DNAI7: variants seen among roughly 807,000 people sequenced by gnomAD.
The protein encoded by DNAI7 is dynein axonemal intermediate chain 7, also known as cancer susceptibility 1.
Under a neutral mutation model 86.6 loss-of-function variants are expected in DNAI7, and 78 were observed. The ratio of observed to expected loss-of-function variants is 0.90; its 90% CI spans 0.75 to 1.09. The LOEUF is 1.09. DNAI7 is among the 50% of genes least tolerant of loss of function. DNAI7 has a pLI of 0.00. For missense variants in DNAI7, 753 were observed against 810.2 expected, an observed-to-expected ratio of 0.93 and a Z score of 0.86; for synonymous variants, 274 against 273.0, an observed-to-expected ratio of 1.00 and a Z score of -0.04.
At chr12:25,108,097 A>G, downstream of DNAI7, 1 of 1,598,078 alleles carries the variant, frequency 6.3e-7, no homozygotes, top group East Asian at 2.2e-5. Flanking sequence ...TTGATTTTTA[A>G]GTTTCAGTAT....
intron 2 of DNAI7, among the ~76,000 whole-genome samples, chr12:25,164,342 C>T (rs915826986): frequency 6.6e-6 from 1 of 151,842 alleles, no homozygotes; most frequent in Non-Finnish European, 1.5e-5. Context: ...CAAGAACCCC[C>T]CACCCCTTCT....
At position 25,137,925 on chromosome 12, in the gene DNAI7, A is replaced by C. The variant is rs149062251; in HGVS notation, c.1002+6440T>G. Among the ~76,000 whole-genome samples, 547 of 152,222 alleles carry C rather than the reference A, an allele frequency of 3.6e-3. 5 individuals are homozygous for C. The highest frequency in any genetic ancestry group is 0.012 in the African/African-American group (509 of 41,530). ...CTACTAGACCTAAGAAATGAGATAG[A>C]TGGCAACACAATAATAGTGTGGGAC... On this transcript the variant is annotated intron_variant, in intron 9 of 15. Transcript: ENST00000395987.
intron 2 of DNAI7, among the ~76,000 whole-genome samples, chr12:25,165,325 C>T (rs1192620625): frequency 2.0e-5 from 3 of 152,206 alleles, no homozygotes; most frequent in African/African-American, 7.2e-5. Flanking sequence ...CACTGTGAGA[C>T]AAACCCCAGC....
At chr12:25,117,092 C>T (rs1342037285) in intron 12 of DNAI7, among the ~76,000 whole-genome samples, 2 of 151,918 alleles carry the variant, frequency 1.3e-5, no homozygotes, top group Non-Finnish European at 2.9e-5. Flanking sequence ...TGCCACCACG[C>T]CTGGCTAATT....
intron 2 of DNAI7, among the ~76,000 whole-genome samples, chr12:25,180,639 C>G (rs1486986967): frequency 6.6e-6 from 1 of 152,092 alleles, no homozygotes; most frequent in African/African-American, 2.4e-5. Flanking sequence ...CACCTACAAC[C>G]AACTGATCTT....
downstream of DNAI7, chr12:25,107,860 A>G (rs1374817758): frequency 1.2e-6 from 2 of 1,613,962 alleles, no homozygotes; most frequent in African/African-American, 1.3e-5. Context: ...CAAGTCCTCC[A>G]TCAGAAAGGC....
intron 7 of DNAI7, among the ~76,000 whole-genome samples, chr12:25,149,387 T>C (rs1565730832): frequency 6.6e-6 from 1 of 152,130 alleles, no homozygotes; most frequent in Non-Finnish European, 1.5e-5. Context: ...GAGACCAGCC[T>C]GGGTAACACA....
intron 9 of DNAI7, among the ~76,000 whole-genome samples, chr12:25,142,838 G>A (rs1944370691): frequency 6.6e-6 from 1 of 151,996 alleles, no homozygotes; most frequent in South Asian, 2.1e-4. Context: ...TTCCCCCTTG[G>A]AAATGAGTTT....
intron 9 of DNAI7, among the ~76,000 whole-genome samples, chr12:25,142,140 T>C (rs1255831433): frequency 1.3e-5 from 2 of 152,178 alleles, no homozygotes; most frequent in Non-Finnish European, 2.9e-5. Context: ...ATGAGGTATA[T>C]GTGTACCATG....
intron 9 of DNAI7, among the ~76,000 whole-genome samples, chr12:25,124,608 T>C (rs1039820519): frequency 6.6e-6 from 1 of 152,154 alleles, no homozygotes; most frequent in African/African-American, 2.4e-5. Flanking sequence ...GTAGTAAGTT[T>C]GAACTAAATT....
intron 7 of DNAI7, among the ~76,000 whole-genome samples, chr12:25,148,476 G>A (rs191006545): frequency 3.0e-4 from 46 of 152,230 alleles, no homozygotes; most frequent in Admixed American, 7.2e-4. Flanking sequence ...GAAGAATTAT[G>A]TATTCCTCAA....
downstream of DNAI7, chr12:25,107,868 G>C (rs774406585): frequency 5.6e-6 from 9 of 1,613,974 alleles, no homozygotes; most frequent in Non-Finnish European, 6.8e-6. Flanking sequence ...CCATCAGAAA[G>C]GCTAATAAGG....
At chr12:25,107,784 G>A (rs758024054), downstream of DNAI7, 60 of 1,594,580 alleles carry the variant, frequency 3.8e-5, no homozygotes, top group Admixed American at 5.9e-4. Flanking sequence ...ACAAATTACC[G>A]ATTACCAAAT....
At chr12:25,119,537 C>A (rs1260228361) in intron 11 of DNAI7, among the ~76,000 whole-genome samples, 1 of 152,086 alleles carries the variant, frequency 6.6e-6, no homozygotes, top group African/African-American at 2.4e-5. Flanking sequence ...GGGGCTTCCT[C>A]AACATTTTAT....
rs1159296992 is a variant in DNAI7 at position 25,119,144 on chromosome 12, C to G, written c.1396+1G>C. ...TTATTACATAATTATAAAAGCTGTA[C>G]CTTCAGCATCCCACCTTACAACCAC... On this transcript the variant is annotated splice_donor_variant, in intron 12 of 15. Transcript: ENST00000395987. LOFTEE classifies it high-confidence loss of function. The G allele has an allele frequency of 1.3e-6, 2 of 1,590,596 alleles. No individual in the cohort carries two copies. Among genetic ancestry groups the G allele is most frequent in the Non-Finnish European group, 1.7e-6 (2 of 1,172,890 alleles).
chr12:25,117,168 A>C (rs528507848), intron 12 of DNAI7, among the ~76,000 whole-genome samples: 3 of 152,230 alleles, frequency 2.0e-5, no homozygotes, highest in African/African-American at 7.2e-5. Context: ...TCCTGAGCTC[A>C]AGTAATCCAC....
At chr12:25,116,616 C>T (rs1006693022) in intron 12 of DNAI7, among the ~76,000 whole-genome samples, 3 of 152,296 alleles carry the variant, frequency 2.0e-5, no homozygotes, top group South Asian at 2.1e-4. Context: ...TTTCCTGCCT[C>T]GGCCTCCTGA....
At chr12:25,142,074 T>C (rs887868404) in intron 9 of DNAI7, among the ~76,000 whole-genome samples, 2 of 152,060 alleles carry the variant, frequency 1.3e-5, no homozygotes, top group Non-Finnish European at 2.9e-5. Flanking sequence ...CAATTTGCAA[T>C]TGCAAAAACA....
At chr12:25,188,710 T>C (rs2141366733) in intron 2 of DNAI7, among the ~76,000 whole-genome samples, 1 of 151,800 alleles carries the variant, frequency 6.6e-6, no homozygotes, top group Non-Finnish European at 1.5e-5. Context: ...AGCGATTTCT[T>C]CTCTGGGTTT....
Sources: allele counts gnomAD v4.1 joint callset (sites outside exome capture counted in the v4.1 genomes callset), GRCh38; gene constraint gnomAD v4.1.1; transcripts MANE v1.5; gene names NCBI Gene and HGNC (gene_info 2026-07-23, HGNC 2026-07-21).